The following ANXA4 variants were observed in gnomAD, a reference collection of about 807,000 sequenced individuals.
ANXA4 encodes annexin A4.
In ANXA4, 39 loss-of-function variants were observed where a neutral mutation model predicts 49.8. The observed-to-expected ratio is 0.78, with a 90% CI of 0.61 to 1.02. The LOEUF is 1.02. Among genes scored for constraint, ANXA4 ranks in the 50% least tolerant of loss-of-function variants. The pLI is 0.00. For synonymous variants in ANXA4, 134 were observed against 152.5 expected, an observed-to-expected ratio of 0.88 and a Z score of 0.89; for missense variants, 360 against 410.1, an observed-to-expected ratio of 0.88 and a Z score of 1.05.
chr2:69,753,505 C>A (rs1028993778), intron 1 of ANXA4, among the ~76,000 whole-genome samples: 3 of 152,166 alleles, frequency 2.0e-5, no homozygotes, highest in Non-Finnish European at 4.4e-5. Flanking sequence ...AGATGCTGTA[C>A]AATCGATATT....
intron 2 of ANXA4, among the ~76,000 whole-genome samples, chr2:69,669,681 T>C (rs1436415095): frequency 6.6e-6 from 1 of 152,168 alleles, no homozygotes; most frequent in African/African-American, 2.4e-5. Context: ...AGTGTCCATG[T>C]ACCTTCTATA....
intron 3 of ANXA4, among the ~76,000 whole-genome samples, chr2:69,796,831 CT>C (rs1472972850): frequency 6.6e-6 from 1 of 152,094 alleles, no homozygotes; most frequent in African/African-American, 2.4e-5. Flanking sequence ...GCTCTTCTAA[CT>C]TAGGGGAATT....
intron 7 of ANXA4, 154 bp downstream of exon 7, chr2:69,810,827 G>A (rs1673673796): frequency 3.1e-6 from 2 of 639,318 alleles, no homozygotes; most frequent in African/African-American, 1.8e-5. Flanking sequence ...TTCTCCTTCA[G>A]AGACTCTGGC....
chr2:69,758,499 G>A (rs1203394631), intron 1 of ANXA4, among the ~76,000 whole-genome samples: 1 of 152,186 alleles, frequency 6.6e-6, no homozygotes, highest in Non-Finnish European at 1.5e-5. Flanking sequence ...GCACATGCCT[G>A]TAGTCCCAGC....
At chr2:69,743,489 A>G (rs1045766173) in intron 1 of ANXA4, among the ~76,000 whole-genome samples, 1 of 152,152 alleles carries the variant, frequency 6.6e-6, no homozygotes, top group Non-Finnish European at 1.5e-5. Flanking sequence ...AAGTGCTGGG[A>G]TTACAGGCAT....
chr2:69,706,309 TTTTTTTTTTTTTG>T, intron 2 of ANXA4, among the ~76,000 whole-genome samples: 1 of 133,246 alleles, frequency 7.5e-6, no homozygotes, highest in Admixed American at 7.5e-5. Flanking sequence ...TTTTTTTTTT[TTTTTTTTTTTTTG>T]AGGAATCTCA....
At chr2:69,807,501 C>T (rs945620525) in intron 5 of ANXA4, among the ~76,000 whole-genome samples, 1 of 152,094 alleles carries the variant, frequency 6.6e-6, no homozygotes, top group Non-Finnish European at 1.5e-5. Context: ...TACAATTATC[C>T]TCCTCAACCA....
upstream of ANXA4, among the ~76,000 whole-genome samples, chr2:69,737,721 A>G (rs1336342856): frequency 6.6e-6 from 1 of 152,084 alleles, no homozygotes; most frequent in African/African-American, 2.4e-5. Context: ...GCCTCAGCCT[A>G]CCAAGCAGCA....
chr2:69,781,503 C>T lies in ANXA4; in HGVS notation c.-46-17C>T. On this transcript the variant is annotated splice_polypyrimidine_tract_variant and intron_variant, in intron 1 of 12. Transcript: ENST00000394295. ...ATTTCCTTCATCACAGTAATTTCCC[C>T]TCTGCTTTTATCACAGAAGAACTTC... is the stretch of plus-strand genomic sequence containing the variant. The T allele has an allele frequency of 6.3e-7, 1 of 1,597,564 alleles. No individual in the cohort carries two copies. The highest frequency in any genetic ancestry group is 8.6e-7 in the Non-Finnish European group (1 of 1,165,482).
At chr2:69,648,676 T>G (rs1044842872) in intron 1 of ANXA4, among the ~76,000 whole-genome samples, 7 of 151,506 alleles carry the variant, frequency 4.6e-5, no homozygotes, top group Non-Finnish European at 7.4e-5. Flanking sequence ...ATACAAAAAT[T>G]AGCCGGGCAT....
At position 69,825,668 on chromosome 2, in the gene ANXA4, T is replaced by C. The variant is rs1193185601; in HGVS notation, c.*153T>C. 3 of 558,382 alleles carry C rather than the reference T, an allele frequency of 5.4e-6. No homozygotes were observed. The highest frequency in any genetic ancestry group is 3.7e-5 in the Admixed American group (1 of 27,270). The allele number at this position is 558,382 out of a possible 1,614,324, so 34.6% of individuals were successfully genotyped here. On this transcript the variant is annotated 3_prime_UTR_variant, in exon 13 of 13. Coordinates refer to ENST00000394295, the MANE Select transcript of ANXA4 (RefSeq NM_001153.5). ...AGAATATAGACTGTCTGTATTATTA[T>C]TCACCTATAATTAGTCATTATGATG...
At chr2:69,647,215 C>A (rs1189578784) in intron 1 of ANXA4, among the ~76,000 whole-genome samples, 1 of 152,158 alleles carries the variant, frequency 6.6e-6, no homozygotes, top group East Asian at 1.9e-4. Flanking sequence ...AGAGTCTACA[C>A]TTCCCAGCCT....
intron 2 of ANXA4, among the ~76,000 whole-genome samples, chr2:69,682,268 G>GTATC (rs1677626441): frequency 6.6e-6 from 1 of 152,074 alleles, no homozygotes; most frequent in Non-Finnish European, 1.5e-5. Flanking sequence ...TGCTTTTGCT[G>GTATC]TATCCCATAG....
intron 2 of ANXA4, among the ~76,000 whole-genome samples, chr2:69,658,699 G>A (rs919965584): frequency 6.6e-6 from 1 of 151,986 alleles, no homozygotes; most frequent in African/African-American, 2.4e-5. Context: ...TTATTCATTT[G>A]TTTACTTTTT....
intron 2 of ANXA4, among the ~76,000 whole-genome samples, chr2:69,688,041 G>A (rs1475246517): frequency 6.6e-6 from 1 of 152,088 alleles, no homozygotes; most frequent in African/African-American, 2.4e-5. Context: ...TTTCCCATTT[G>A]TGTCATAAAC....
At chr2:69,678,389 CTTTTTTT>C (rs150952411) in intron 2 of ANXA4, among the ~76,000 whole-genome samples, 3 of 78,366 alleles carry the variant, frequency 3.8e-5, no homozygotes, top group African/African-American at 1.5e-4. Context: ...CTTTTCTTTT[CTTTTTTT>C]TTTTTTTTTT....
intron 6 of ANXA4, chr2:69,809,078 T>C (rs1173529274): frequency 1.3e-5 from 2 of 152,234 alleles, no homozygotes; most frequent in Middle Eastern, 3.2e-3. Context: ...AATAACACAG[T>C]ATTTTTTAAA....
intron 3 of ANXA4, among the ~76,000 whole-genome samples, chr2:69,801,875 C>T (rs1673211521): frequency 6.6e-6 from 1 of 152,136 alleles, no homozygotes; most frequent in Non-Finnish European, 1.5e-5. Flanking sequence ...GCGGGAATGA[C>T]CCACAGGCAC....
intron 1 of ANXA4, among the ~76,000 whole-genome samples, chr2:69,649,426 TTA>T (rs1182742063): frequency 1.3e-5 from 2 of 151,450 alleles, no homozygotes; most frequent in African/African-American, 4.8e-5. Context: ...TATTTATATT[TTA>T]TTTTTTTCAT....
Sources: allele counts gnomAD v4.1 joint callset (sites outside exome capture counted in the v4.1 genomes callset), GRCh38; gene constraint gnomAD v4.1.1; transcripts MANE v1.5; gene names NCBI Gene and HGNC (gene_info 2026-07-23, HGNC 2026-07-21).